The following PIK3C2G variants were observed in gnomAD, a reference collection of about 807,000 sequenced individuals.
The protein encoded by PIK3C2G is phosphatidylinositol-4-phosphate 3-kinase catalytic subunit type 2 gamma.
PIK3C2G carries 168 observed loss-of-function variants against 181.1 expected under a neutral mutation model. The observed-to-expected ratio is 0.93, with a 90% confidence interval of 0.82 to 1.05. The LOEUF (loss-of-function observed/expected upper bound fraction) is 1.05, where lower values mean the gene tolerates loss of function less well. PIK3C2G is among the 50% of genes least tolerant of loss of function. The pLI, the probability that PIK3C2G is intolerant of heterozygous loss-of-function variation, is 0.00. For missense variants in PIK3C2G, 1,869 were observed against 1,732.8 expected (o/e 1.08, Z -1.40); for synonymous variants, 573 against 592.2 (o/e 0.97, Z 0.47).
intron 31 of PIK3C2G, among the ~76,000 whole-genome samples, chr12:18,631,436 C>A (rs889457460): frequency 6.6e-6 from 1 of 152,110 alleles, no homozygotes; most frequent in Non-Finnish European, 1.5e-5. Flanking sequence ...TTACTTAATG[C>A]TGGGAAAAGG....
At chr12:18,636,814 C>A (rs1949624099) in intron 31 of PIK3C2G, among the ~76,000 whole-genome samples, 1 of 152,174 alleles carries the variant, frequency 6.6e-6, no homozygotes, top group Non-Finnish European at 1.5e-5. Context: ...GAAATCCCCC[C>A]AGTGACATGG....
At chr12:18,709,199 A>G in the PIK3C2G span, among the ~76,000 whole-genome samples, 1 of 152,084 alleles carries the variant, frequency 6.6e-6, no homozygotes, top group Non-Finnish European at 1.5e-5. Context: ...TGTGTATGGT[A>G]TAAGATAAGG....
chr12:18,640,178 A>G (rs1949778789), intron 31 of PIK3C2G, among the ~76,000 whole-genome samples: 1 of 152,034 alleles, frequency 6.6e-6, no homozygotes, highest in African/African-American at 2.4e-5. Context: ...AGTAAATTAT[A>G]TGTAATGGAC....
chr12:18,645,788 T>C (rs1017649932), intron 32 of PIK3C2G, among the ~76,000 whole-genome samples: 4 of 152,218 alleles, frequency 2.6e-5, no homozygotes, highest in African/African-American at 7.2e-5. Context: ...AACAGATTCA[T>C]GAAAATATAA....
intron 29 of PIK3C2G, among the ~76,000 whole-genome samples, 190 bp from the exon 30 acceptor site, chr12:18,594,304 G>A (rs1947238256): frequency 6.6e-6 from 1 of 151,992 alleles, no homozygotes; most frequent in South Asian, 2.1e-4. Context: ...TCACACAAAA[G>A]TTTAGTTTAA....
At chr12:18,304,834 A>G (rs1950353280) in intron 5 of PIK3C2G, among the ~76,000 whole-genome samples, 1 of 152,194 alleles carries the variant, frequency 6.6e-6, no homozygotes, top group African/African-American at 2.4e-5. Flanking sequence ...TAAGACTTCA[A>G]ATATTAAAAT....
intron 26 of PIK3C2G, among the ~76,000 whole-genome samples, chr12:18,560,427 A>G (rs1945287475): frequency 6.6e-6 from 1 of 152,142 alleles, no homozygotes; most frequent in African/African-American, 2.4e-5. Flanking sequence ...ATGTGAAGGA[A>G]CAACATAGAC....
chr12:18,645,946 G>A (rs1471874952), intron 32 of PIK3C2G, among the ~76,000 whole-genome samples: 1 of 152,130 alleles, frequency 6.6e-6, no homozygotes, highest in African/African-American at 2.4e-5. Context: ...TAAGAGAGGA[G>A]TTCATCAGCT....
chr12:18,526,781 C>T (rs973691940), intron 24 of PIK3C2G, among the ~76,000 whole-genome samples: 7 of 152,138 alleles, frequency 4.6e-5, no homozygotes, highest in African/African-American at 1.7e-4. Flanking sequence ...AGCGCTCTCA[C>T]TTACTCACAC....
At chr12:18,653,443 C>G in the PIK3C2G span, among the ~76,000 whole-genome samples, 654 of 152,286 alleles carry the variant, frequency 4.3e-3, 5 homozygotes, top group Non-Finnish European at 6.6e-3. Flanking sequence ...CCAAGTCTCA[C>G]CTGCTAGGCC....
intron 31 of PIK3C2G, 97 bp downstream of exon 31, chr12:18,609,726 G>A (rs891793264): frequency 1.5e-6 from 1 of 683,156 alleles, no homozygotes; most frequent in Non-Finnish European, 2.5e-6. Context: ...TAGAAGAATG[G>A]GTATCTCCGC....
intron 10 of PIK3C2G, 33 bp downstream of exon 10, chr12:18,343,393 TAAAG>T: frequency 8.6e-7 from 1 of 1,164,676 alleles, no homozygotes; most frequent in Non-Finnish European, 1.2e-6. Context: ...TATTTTGAAA[TAAAG>T]AAAAAAATAA....
chr12:18,697,243 C>T, the PIK3C2G span, among the ~76,000 whole-genome samples: 1 of 152,044 alleles, frequency 6.6e-6, no homozygotes, highest in African/African-American at 2.4e-5. Flanking sequence ...TCCCTTCATC[C>T]TAAATACTAT....
chr12:18,569,477 T>G (rs930585474), intron 29 of PIK3C2G, among the ~76,000 whole-genome samples: 1 of 152,208 alleles, frequency 6.6e-6, no homozygotes, highest in African/African-American at 2.4e-5. Flanking sequence ...ATTTTTATTG[T>G]TGTATAATAT....
At chr12:18,473,402 C>T (rs1048314959) in intron 18 of PIK3C2G, among the ~76,000 whole-genome samples, 1 of 152,158 alleles carries the variant, frequency 6.6e-6, no homozygotes, top group Non-Finnish European at 1.5e-5. Flanking sequence ...TATCAAAAGA[C>T]AAAATGCCCT....
chr12:18,292,222 A>C (rs1317203728), intron 4 of PIK3C2G, among the ~76,000 whole-genome samples: 1 of 104,382 alleles, frequency 9.6e-6, no homozygotes, highest in African/African-American at 3.8e-5. Context: ...AAAAAAAAAA[A>C]AAAAAATATA....
At chr12:18,521,691 A>T (rs1592481197) in intron 24 of PIK3C2G, among the ~76,000 whole-genome samples, 1 of 152,142 alleles carries the variant, frequency 6.6e-6, no homozygotes, top group East Asian at 1.9e-4. Context: ...CTGGGATCTT[A>T]GTTTGTTAGG....
chr12:18,413,757 G>A lies in PIK3C2G; in HGVS notation c.2316-7184G>A, dbSNP rs1168718168. Among the ~76,000 whole-genome samples, 3 of 152,050 alleles carry A rather than the reference G, an allele frequency of 2.0e-5. No homozygotes were observed. In the East Asian group the frequency reaches 5.8e-4, roughly 29 times the overall value. ...AGAGTGTCTCCTGGTATGATATAAA[G>A]GAATTATATGTGCATTTTTCAAGCA... On this transcript the variant is annotated intron_variant, in intron 16 of 32. Coordinates refer to ENST00000538779, the MANE Select transcript of PIK3C2G (RefSeq NM_001288772.2).
At chr12:18,664,433 A>G in the PIK3C2G span, among the ~76,000 whole-genome samples, 1 of 152,220 alleles carries the variant, frequency 6.6e-6, no homozygotes, top group Non-Finnish European at 1.5e-5. Flanking sequence ...AATATTGTTC[A>G]GCATTGAAAG....
Sources: gnomAD v4.1 joint callset for allele counts (sites outside exome capture counted in the v4.1 genomes callset) on GRCh38, gnomAD v4.1.1 for gene constraint, MANE v1.5 for transcripts, NCBI Gene and HGNC (gene_info 2026-07-23, HGNC 2026-07-21) for gene names.